ARHGAP32: variants seen among roughly 807,000 people sequenced by gnomAD.
ARHGAP32 encodes Rho GTPase activating protein 32.
Under a neutral mutation model 186.5 loss-of-function variants are expected in ARHGAP32, and 51 were observed. The ratio of observed to expected loss-of-function variants is 0.27; its 90% confidence interval spans 0.22 to 0.35. ARHGAP32 has a LOEUF of 0.35. Ranked by LOEUF, ARHGAP32 falls within the 10% of genes least tolerant of loss-of-function variation. The pLI is 1.00. For synonymous variants in ARHGAP32, 950 were observed against 964.3 expected (o/e 0.99, Z 0.27); for missense variants, 2,186 against 2,623.5 (o/e 0.83, Z 3.64).
At chr11:129,059,763 G>A (rs1940416177) in intron 10 of ARHGAP32, among the ~76,000 whole-genome samples, 2 of 152,028 alleles carry the variant, frequency 1.3e-5, no homozygotes, top group Admixed American at 6.5e-5. Context: ...CTCCCAAAGT[G>A]CTGGGATTAC....
chr11:129,246,193 A>AG (rs1945094894), intron 1 of ARHGAP32, among the ~76,000 whole-genome samples: 2 of 152,192 alleles, frequency 1.3e-5, no homozygotes, highest in Non-Finnish European at 2.9e-5. Flanking sequence ...AAGATCAGAA[A>AG]CTCATTTAAA....
intron 1 of ARHGAP32, among the ~76,000 whole-genome samples, chr11:129,211,071 G>A (rs1455412997): frequency 1.3e-5 from 2 of 152,052 alleles, no homozygotes; most frequent in Admixed American, 6.6e-5. Context: ...CAGTCTATCA[G>A]CCTCAAACCT....
At chr11:128,986,947 T>C (rs1156441441) in intron 13 of ARHGAP32, among the ~76,000 whole-genome samples, 2 of 152,190 alleles carry the variant, frequency 1.3e-5, no homozygotes, top group Admixed American at 6.5e-5. Context: ...ACAGCTCTTA[T>C]AGTACAACAG....
chr11:129,193,710 TTATATATTATATATTA>T (rs1944347047), upstream of ARHGAP32, among the ~76,000 whole-genome samples: 1 of 37,246 alleles, frequency 2.7e-5, no homozygotes, highest in African/African-American at 9.1e-5. Flanking sequence ...ATAATATATA[TTATATATTATATATTA>T]TATATAATAT....
intron 1 of ARHGAP32, among the ~76,000 whole-genome samples, chr11:129,170,355 G>A (rs777662887): frequency 2.0e-5 from 3 of 151,156 alleles, no homozygotes; most frequent in Admixed American, 6.6e-5. Flanking sequence ...AACTGGCCCC[G>A]ATCTGTGTTG....
At chr11:129,128,962 G>A (rs1185361314) in intron 2 of ARHGAP32, among the ~76,000 whole-genome samples, 1 of 152,210 alleles carries the variant, frequency 6.6e-6, no homozygotes, top group African/African-American at 2.4e-5. Flanking sequence ...GCCTGCCTTG[G>A]CCTCCCAAAG....
At chr11:129,170,330 C>T (rs1257411868) in intron 1 of ARHGAP32, among the ~76,000 whole-genome samples, 1 of 151,796 alleles carries the variant, frequency 6.6e-6, no homozygotes, top group Non-Finnish European at 1.5e-5. Context: ...CCCCTCCCCT[C>T]ACCCTCCACC....
At chr11:128,990,227 T>A (rs1946008830) in intron 12 of ARHGAP32, among the ~76,000 whole-genome samples, 1 of 152,200 alleles carries the variant, frequency 6.6e-6, no homozygotes. Context: ...CTTCATTGAA[T>A]ACCCACAAGT....
At chr11:129,013,677 G>A (rs1026848119) in intron 11 of ARHGAP32, among the ~76,000 whole-genome samples, 3 of 152,118 alleles carry the variant, frequency 2.0e-5, no homozygotes, top group East Asian at 1.9e-4. Context: ...TGAGGATCTA[G>A]TAACACTTCC....
intron 1 of ARHGAP32, among the ~76,000 whole-genome samples, chr11:129,181,852 G>T (rs748832850): frequency 2.0e-5 from 3 of 152,066 alleles, no homozygotes; most frequent in Non-Finnish European, 4.4e-5. Context: ...TCTCCAATCT[G>T]CCCAATTCCA....
chr11:129,148,081 G>C (rs528986795), intron 2 of ARHGAP32, among the ~76,000 whole-genome samples: 4 of 152,322 alleles, frequency 2.6e-5, no homozygotes, highest in Admixed American at 6.5e-5. Flanking sequence ...TTAGGGACAA[G>C]ATAGATGGTG....
intron 5 of ARHGAP32, among the ~76,000 whole-genome samples, chr11:129,101,849 T>G (rs563238915): frequency 1.3e-5 from 2 of 152,076 alleles, no homozygotes; most frequent in African/African-American, 4.8e-5. Flanking sequence ...TCAGGAAATG[T>G]AGAGAATTCA....
intron 18 of ARHGAP32, 96 bp from the exon 19 acceptor site, chr11:128,979,011 G>T: frequency 1.8e-6 from 2 of 1,111,924 alleles, no homozygotes; most frequent in Non-Finnish European, 2.5e-6. Context: ...AACCAAACAG[G>T]CTGGAGAAGC....
intron 11 of ARHGAP32, among the ~76,000 whole-genome samples, chr11:129,036,061 T>C (rs531693937): frequency 9.7e-4 from 147 of 152,142 alleles, no homozygotes; most frequent in African/African-American, 3.5e-3. Flanking sequence ...TTATCCCTAC[T>C]TGAAGTGTCA....
chr11:129,124,323 C>T (rs1193848632), intron 3 of ARHGAP32, among the ~76,000 whole-genome samples: 2 of 152,078 alleles, frequency 1.3e-5, no homozygotes, highest in East Asian at 3.9e-4. Flanking sequence ...TTTGTGCTGC[C>T]ATGTTGGCAC....
intron 2 of ARHGAP32, among the ~76,000 whole-genome samples, chr11:129,151,937 T>A: frequency 6.6e-6 from 1 of 152,052 alleles, no homozygotes; most frequent in East Asian, 1.9e-4. Flanking sequence ...AGCCAAAAGC[T>A]GGTTCTTTGA....
intron 1 of ARHGAP32, among the ~76,000 whole-genome samples, chr11:129,182,292 C>T (rs1418558203): frequency 6.6e-6 from 1 of 151,942 alleles, no homozygotes; most frequent in African/African-American, 2.4e-5. Flanking sequence ...AAATTTTCTA[C>T]AGTAAAAAAA....
chr11:129,219,438 C>T (rs1185352311), intron 1 of ARHGAP32, among the ~76,000 whole-genome samples: 2 of 152,072 alleles, frequency 1.3e-5, no homozygotes, highest in Non-Finnish European at 2.9e-5. Flanking sequence ...TTCTAGTATT[C>T]CTATCCTCAC....
chr11:129,040,482 T>C (rs1939546137), intron 11 of ARHGAP32, among the ~76,000 whole-genome samples: 1 of 152,306 alleles, frequency 6.6e-6, no homozygotes, highest in East Asian at 1.9e-4. Flanking sequence ...TTCTAGATAT[T>C]TATGCAGCAC....
Sources: allele counts gnomAD v4.1 joint callset (sites outside exome capture counted in the v4.1 genomes callset), GRCh38; gene constraint gnomAD v4.1.1; transcripts MANE v1.5; gene names NCBI Gene and HGNC (gene_info 2026-07-23, HGNC 2026-07-21).